GSE1: variants seen among roughly 807,000 people sequenced by gnomAD.
GSE1 encodes genetic suppressor element 1.
Under a neutral mutation model 112.6 loss-of-function variants are expected in GSE1, and 32 were observed. The observed-to-expected ratio is 0.28, with a 90% CI of 0.21 to 0.38. The LOEUF (loss-of-function observed/expected upper bound fraction) is 0.38, where lower values mean the gene tolerates loss of function less well. GSE1 is among the 10% of genes least tolerant of loss of function. The probability of loss-of-function intolerance (pLI) is 1.00; values close to 1 mark genes in which losing one functional copy is unlikely to be tolerated. For missense variants in GSE1, 2,348 were observed against 1,699.2 expected (o/e 1.38, Z -6.71); for synonymous variants, 1,115 against 735.6 (o/e 1.52, Z -8.35).
intron 2 of GSE1, among the ~76,000 whole-genome samples, chr16:85,410,097 C>T (rs1238017067): frequency 1.6e-5 from 1 of 62,498 alleles, no homozygotes; most frequent in Non-Finnish European, 2.6e-5. Flanking sequence ...CTGTTACTCT[C>T]AGGCCCCCCG....
intron 1 of GSE1, among the ~76,000 whole-genome samples, chr16:85,327,965 C>A (rs1470687289): frequency 6.6e-6 from 1 of 152,188 alleles, no homozygotes. Context: ...ACCCCCAGAT[C>A]GCCTGGTACA....
intron 2 of GSE1, among the ~76,000 whole-genome samples, chr16:85,524,838 T>C (rs1402520984): frequency 6.6e-6 from 1 of 152,154 alleles, no homozygotes; most frequent in Non-Finnish European, 1.5e-5. Context: ...AGCCGGTCCA[T>C]GGTCCTGGGC....
At chr16:85,361,131 A>AC (rs1555569965) in intron 2 of GSE1, among the ~76,000 whole-genome samples, 19 of 115,416 alleles carry the variant, frequency 1.6e-4, no homozygotes, top group African/African-American at 3.1e-4. Context: ...ACAGGCACAG[A>AC]CCCCCCCCAC....
At chr16:85,665,344 C>A (rs1383644757) in intron 12 of GSE1, among the ~76,000 whole-genome samples, 1 of 152,268 alleles carries the variant, frequency 6.6e-6, no homozygotes, top group African/African-American at 2.4e-5. Context: ...AGGGGAGGGT[C>A]TGGCTTCTGT....
intron 2 of GSE1, among the ~76,000 whole-genome samples, chr16:85,452,365 CT>C (rs1458899823): frequency 6.6e-6 from 1 of 152,184 alleles, no homozygotes; most frequent in African/African-American, 2.4e-5. Context: ...TGTGTTCCCA[CT>C]CTGGCCCCCA....
chr16:85,611,464 G>T, upstream of GSE1: 2 of 985,262 alleles, frequency 2.0e-6, no homozygotes, highest in South Asian at 9.4e-5. Context: ...GGGCGCCGCC[G>T]GTGAGCTGGC....
intron 2 of GSE1, among the ~76,000 whole-genome samples, chr16:85,361,276 C>T (rs2005021): frequency 0.35 from 40,870 of 115,274 alleles, 8,933 homozygotes; most frequent in East Asian, 0.56. Flanking sequence ...AACATACAGA[C>T]GCACACAAGG....
intron 1 of GSE1, among the ~76,000 whole-genome samples, chr16:85,319,497 C>G (rs999911489): frequency 2.0e-5 from 3 of 152,118 alleles, no homozygotes; most frequent in African/African-American, 7.2e-5. Flanking sequence ...TGGCGAGCGT[C>G]GGGCTGATGA....
intron 2 of GSE1, among the ~76,000 whole-genome samples, chr16:85,364,205 C>T (rs886581230): frequency 6.6e-6 from 1 of 152,268 alleles, no homozygotes; most frequent in Non-Finnish European, 1.5e-5. Context: ...ACTTGCGGCC[C>T]CTCCCTCCAC....
intron 2 of GSE1, among the ~76,000 whole-genome samples, chr16:85,395,049 G>A (rs914630307): frequency 1.3e-5 from 2 of 152,128 alleles, no homozygotes; most frequent in South Asian, 2.1e-4. Flanking sequence ...CATTCTCGAC[G>A]CGGGGAATGG....
chr16:85,269,132 A>G (rs1415451130), intron 1 of GSE1, among the ~76,000 whole-genome samples: 1 of 149,488 alleles, frequency 6.7e-6, no homozygotes, highest in African/African-American at 2.4e-5. Context: ...AGGCCACTCA[A>G]GAACCATACT....
intron 1 of GSE1, among the ~76,000 whole-genome samples, chr16:85,584,367 G>C (rs1414983889): frequency 6.6e-6 from 1 of 152,150 alleles, no homozygotes; most frequent in African/African-American, 2.4e-5. Context: ...AAAGATGAAA[G>C]CCACAGCCAA....
chr16:85,401,146 G>T (rs142217789), intron 2 of GSE1, among the ~76,000 whole-genome samples: 1 of 152,192 alleles, frequency 6.6e-6, no homozygotes, highest in African/African-American at 2.4e-5. Flanking sequence ...GGTGCGGTGC[G>T]GGGAGGGGCA....
chr16:85,220,310 G>A (rs1419382229), intron 1 of GSE1, among the ~76,000 whole-genome samples: 1 of 152,220 alleles, frequency 6.6e-6, no homozygotes, highest in African/African-American at 2.4e-5. Context: ...CCTGCTCCTG[G>A]AGGAATTACC....
Position 85,279,475 on chromosome 16 carries a change from T to A in GSE1, c.2284-77988T>A, listed in dbSNP as rs143176662. On this transcript the variant is annotated intron_variant, in intron 1 of 2. Coordinates refer to the GSE1 transcript ENST00000637419. ...TACAAAAATTAGCCAGGCATGGTGA[T>A]GTGTGCCTGTGTTCCCAGCCACTCA... Among the ~76,000 whole-genome samples, 301 of 147,252 alleles carry A rather than the reference T, an allele frequency of 2.0e-3. 3 individuals are homozygous for A. Among genetic ancestry groups the A allele is most frequent in the African/African-American group, 7.1e-3 (287 of 40,676 alleles).
chr16:85,354,036 TC>T (rs2046902182), intron 1 of GSE1, among the ~76,000 whole-genome samples: 1 of 152,182 alleles, frequency 6.6e-6, no homozygotes, highest in African/African-American at 2.4e-5. Flanking sequence ...TCCCTCCTGT[TC>T]CCACTCCCTT....
At chr16:85,443,452 C>T (rs1404890803) in intron 2 of GSE1, among the ~76,000 whole-genome samples, 1 of 152,268 alleles carries the variant, frequency 6.6e-6, no homozygotes, top group East Asian at 1.9e-4. Context: ...TGACCTTCCT[C>T]CTCATGTTAC....
chr16:85,402,245 CG>C (rs1365585245), intron 2 of GSE1, among the ~76,000 whole-genome samples: 1 of 152,072 alleles, frequency 6.6e-6, no homozygotes, highest in Non-Finnish European at 1.5e-5. Context: ...GAAGCCAGAG[CG>C]GCCTGTCCAC....
chr16:85,650,095 T>A lies in GSE1; in HGVS notation c.426+1344T>A, dbSNP rs556713373. ...CTGGACCTCCTCTGCCCCTGAAGCC[T>A]CTCGTAGTTTGACTAATCCTCATGT... On this transcript the variant is annotated intron_variant, in intron 3 of 15. Coordinates refer to ENST00000253458, the MANE Select transcript of GSE1 (RefSeq NM_014615.5). Among the ~76,000 whole-genome samples the A allele has an allele frequency of 7.2e-4, 110 of 152,262 alleles. 5 individuals carry two copies. In the South Asian group the frequency reaches 0.02, roughly 28 times the overall value.
Sources: gnomAD v4.1 joint callset for allele counts (sites outside exome capture counted in the v4.1 genomes callset) on GRCh38, gnomAD v4.1.1 for gene constraint, MANE v1.5 for transcripts, NCBI Gene and HGNC (gene_info 2026-07-23, HGNC 2026-07-21) for gene names.